The following SLCO1A2 variants were observed in gnomAD, a reference collection of about 807,000 sequenced individuals.
The protein encoded by SLCO1A2 is solute carrier organic anion transporter family member 1A2.
Under a neutral mutation model 69.0 loss-of-function variants are expected in SLCO1A2, and 67 were observed. The observed-to-expected ratio is 0.97, with a 90% CI of 0.80 to 1.19. The LOEUF is 1.19. SLCO1A2 is among the 50% of genes most tolerant of loss of function. SLCO1A2 has a pLI of 0.00. For synonymous variants in SLCO1A2, 260 were observed against 265.9 expected (o/e 0.98, Z 0.22); for missense variants, 787 against 793.7 (o/e 0.99, Z 0.10).
upstream of SLCO1A2, among the ~76,000 whole-genome samples, chr12:21,418,533 G>A (rs1354960950): frequency 6.6e-6 from 1 of 152,124 alleles, no homozygotes; most frequent in African/African-American, 2.4e-5. Context: ...AAGGCAAAAG[G>A]CATGTCTTAG....
At chr12:21,300,683 T>C in intron 7 of SLCO1A2, 114 bp from the exon 8 acceptor site, 1 of 796,094 alleles carries the variant, frequency 1.3e-6, no homozygotes, top group Non-Finnish European at 1.9e-6. Context: ...AATTGGCTTA[T>C]AATTCAGACA....
At chr12:21,380,063 T>C (rs181598888) in intron 1 of SLCO1A2, 8 of 152,338 alleles carry the variant, frequency 5.3e-5, no homozygotes, top group Non-Finnish European at 1.0e-4. Flanking sequence ...AATTAAATTA[T>C]AATCTCTCAA....
At chr12:21,386,822 G>C (rs1940906815) in intron 1 of SLCO1A2, among the ~76,000 whole-genome samples, 1 of 152,026 alleles carries the variant, frequency 6.6e-6, no homozygotes, top group Admixed American at 6.6e-5. Context: ...TAGTTTGATG[G>C]GTTGAAGAGA....
chr12:21,405,722 C>A (rs1367171176), intron 1 of SLCO1A2, among the ~76,000 whole-genome samples: 1 of 152,136 alleles, frequency 6.6e-6, no homozygotes, highest in Non-Finnish European at 1.5e-5. Flanking sequence ...AAAATTGAAA[C>A]TGGACCCCTT....
At chr12:21,360,606 G>C (rs1187485728) in intron 2 of SLCO1A2, among the ~76,000 whole-genome samples, 1 of 152,206 alleles carries the variant, frequency 6.6e-6, no homozygotes, top group Non-Finnish European at 1.5e-5. Flanking sequence ...CACCCAGGAA[G>C]CACAAGGGGT....
Position 21,322,737 on chromosome 12 carries a change from A to G in SLCO1A2, c.61-3814T>C, listed in dbSNP as rs914833154. Among the ~76,000 whole-genome samples the G allele has an allele frequency of 2.6e-5, 4 of 152,118 alleles. No homozygotes were observed. The South Asian group carries it at 6.2e-4, about 24-fold the overall frequency. On this transcript the variant is annotated intron_variant, in intron 2 of 14. Transcript: ENST00000683939. Reference sequence around the variant, plus strand: ...GAATTCCAAAAGGGAAGAGGGTACAATGAGGCATGTCTGGCCCACCCCTCC... The same window carrying G: ...GAATTCCAAAAGGGAAGAGGGTACAGTGAGGCATGTCTGGCCCACCCCTCC...
At chr12:21,319,523 T>A (rs1951327726) in intron 2 of SLCO1A2, 1 of 1,293,022 alleles carries the variant, frequency 7.7e-7, no homozygotes, top group Non-Finnish European at 1.0e-6. Flanking sequence ...AGCTCAGCAA[T>A]CCCAGTTGTG....
chr12:21,401,572 A>C (rs1005577956), intron 1 of SLCO1A2, among the ~76,000 whole-genome samples: 4 of 151,818 alleles, frequency 2.6e-5, no homozygotes, highest in Non-Finnish European at 5.9e-5. Context: ...AATTTTATTG[A>C]GATACTAATT....
At position 21,292,270 on chromosome 12, in the gene SLCO1A2, T is replaced by G; in HGVS notation, c.1504A>C (p.Lys502Gln). ...NSSAVLGLCD[K>Q]GPDCSLMLQY... ...AGCATCAAGGAACAGTCAGGTCCTT[T>G]GTCGCACAGCCCAAGAACTGCAGAT... Residue 502 changes from lysine to glutamine, a missense_variant, in exon 12 of 15, where the codon AAA becomes CAA. Coordinates refer to ENST00000683939, the MANE Select transcript of SLCO1A2 (RefSeq NM_001386879.1). 1 of 1,613,010 alleles carries G rather than the reference T, an allele frequency of 6.2e-7. No individual in the cohort carries two copies. The highest frequency in any genetic ancestry group is 8.5e-7 in the Non-Finnish European group (1 of 1,179,198).
At chr12:21,367,499 A>C (rs1163781909) in intron 2 of SLCO1A2, among the ~76,000 whole-genome samples, 11 of 152,142 alleles carry the variant, frequency 7.2e-5, no homozygotes, top group Non-Finnish European at 8.8e-5. Context: ...GGAAGTTGGA[A>C]ATAAGAAGGA....
upstream of SLCO1A2, among the ~76,000 whole-genome samples, chr12:21,395,685 C>T (rs1036718157): frequency 9.2e-5 from 14 of 152,210 alleles, no homozygotes; most frequent in Non-Finnish European, 1.3e-4. Context: ...TGAGAACGGG[C>T]AGACTGCCTC....
chr12:21,288,902 T>C (rs1226824161), intron 12 of SLCO1A2, among the ~76,000 whole-genome samples: 1 of 151,674 alleles, frequency 6.6e-6, no homozygotes, highest in Non-Finnish European at 1.5e-5. Context: ...TTTAATTATA[T>C]GCTATGTAAT....
At chr12:21,288,011 TAAAAAA>T (rs59000175) in intron 12 of SLCO1A2, among the ~76,000 whole-genome samples, 1 of 102,958 alleles carries the variant, frequency 9.7e-6, no homozygotes, top group African/African-American at 3.8e-5. Context: ...TAAAGTATAA[TAAAAAA>T]AAAAAAAAAA....
chr12:21,318,889 G>A lies in SLCO1A2; in HGVS notation c.95C>T (p.Ser32Phe), dbSNP rs1951218914. ...CATATAAGATCCAGACAGTGTTTTG[G>A]ATACAAATGCACATGTTATTGCCAA... Reference protein sequence around the residue: ...FLLAITCAFVSKTLSGSYMNS... With the variant: ...FLLAITCAFVFKTLSGSYMNS... Residue 32 changes from serine (S) to phenylalanine (F), a missense_variant, in exon 3 of 15, where the codon TCC (serine) becomes TTC (phenylalanine). Transcript: ENST00000683939. The A allele has an allele frequency of 3.1e-6, 5 of 1,604,638 alleles. No individual in the cohort carries two copies. The highest frequency in any genetic ancestry group is 4.2e-6 in the Non-Finnish European group (5 of 1,176,822).
intron 2 of SLCO1A2, among the ~76,000 whole-genome samples, chr12:21,326,001 T>A (rs1952194340): frequency 2.0e-5 from 3 of 152,112 alleles, no homozygotes; most frequent in South Asian, 4.1e-4. Context: ...GAATAGTAGC[T>A]CCCATAATCC....
upstream of SLCO1A2, among the ~76,000 whole-genome samples, chr12:21,397,542 C>T (rs1479881816): frequency 6.6e-6 from 1 of 152,124 alleles, no homozygotes; most frequent in Non-Finnish European, 1.5e-5. Flanking sequence ...ATCTACAGAA[C>T]CCTCCACCCC....
intron 13 of SLCO1A2, 197 bp downstream of exon 13, chr12:21,275,163 G>C (rs781759020): frequency 1.6e-4 from 128 of 782,102 alleles, no homozygotes; most frequent in Non-Finnish European, 2.0e-4. Context: ...GGTGGGGGAA[G>C]GGGGGAGGGA....
chr12:21,306,216 C>T (rs935262889), intron 5 of SLCO1A2, among the ~76,000 whole-genome samples: 2 of 152,200 alleles, frequency 1.3e-5, no homozygotes, highest in African/African-American at 4.8e-5. Flanking sequence ...GTTTCTGTCT[C>T]TAGTTCCTAT....
chr12:21,340,821 C>A (rs1953044685), intron 2 of SLCO1A2, among the ~76,000 whole-genome samples: 1 of 151,772 alleles, frequency 6.6e-6, no homozygotes, highest in Non-Finnish European at 1.5e-5. Flanking sequence ...CTTTCAAAGA[C>A]CCCAACATAT....
Sources: gnomAD v4.1 joint callset for allele counts (sites outside exome capture counted in the v4.1 genomes callset) on GRCh38, gnomAD v4.1.1 for gene constraint, MANE v1.5 for transcripts, NCBI Gene and HGNC (gene_info 2026-07-23, HGNC 2026-07-21) for gene names.